Variants in PRLR observed in about 807,000 individuals in gnomAD.
The protein encoded by PRLR is hPRL receptor.
PRLR carries 13 observed loss-of-function variants against 40.2 expected under a neutral mutation model. That is an observed-to-expected ratio of 0.32 (90% CI 0.21 to 0.51). The LOEUF (loss-of-function observed/expected upper bound fraction) is 0.51. Among genes scored for constraint, PRLR ranks in the 20% least tolerant of loss-of-function variants. PRLR has a pLI of 0.97. For synonymous variants in PRLR, 269 were observed against 278.7 expected (o/e 0.97, Z 0.35); for missense variants, 656 against 747.3 (o/e 0.88, Z 1.42).
chr5:35,209,255 T>C (rs1776105518), intron 1 of PRLR, among the ~76,000 whole-genome samples: 1 of 152,164 alleles, frequency 6.6e-6, no homozygotes, highest in East Asian at 1.9e-4. Flanking sequence ...TCCATTTTCC[T>C]AACCTTTCAG....
intron 1 of PRLR, among the ~76,000 whole-genome samples, chr5:35,149,799 T>C (rs1176875105): frequency 6.6e-6 from 1 of 152,154 alleles, no homozygotes; most frequent in African/African-American, 2.4e-5. Context: ...GTACATAAAT[T>C]AATCGAGAGT....
At chr5:35,119,510 T>C (rs1372471006) in intron 1 of PRLR, among the ~76,000 whole-genome samples, 1 of 152,114 alleles carries the variant, frequency 6.6e-6, no homozygotes, top group Admixed American at 6.6e-5. Context: ...CATCTGAGCA[T>C]AAGACAGCCA....
At chr5:35,170,559 G>T (rs930438362) in intron 1 of PRLR, among the ~76,000 whole-genome samples, 6 of 152,190 alleles carry the variant, frequency 3.9e-5, no homozygotes, top group Non-Finnish European at 8.8e-5. Context: ...CTGCTAGTGA[G>T]GAAGCTGAGG....
rs182263490 is a variant in PRLR at position 35,086,217 on chromosome 5, T to C, written c.194A>G (p.His65Arg). 2.4e-5 allele frequency: 38 copies of C among 1,613,930 alleles called. No individual in the cohort carries two copies. The highest frequency in any genetic ancestry group is 3.1e-5 in the Non-Finnish European group (37 of 1,179,906). The change falls in exon 4 of 10, where the codon CAC (histidine) becomes CGC (arginine). Residue 65 changes from histidine (H) to arginine (R), a missense_variant. His to Arg is a conservative substitution (Grantham distance 29). This residue lies in a region of PRLR where 180 missense variants were observed against 236.8 expected (regional missense o/e 0.76). Transcript: ENST00000618457. ...GLPTNYSLTY[H>R]REGETLMHEC... ...GAAGGGAACTTCTTACCCTTCCCTG[T>C]GGTAAGTCAGTGAATAATTGGTAGG...
At chr5:35,087,996 C>T (rs542522273) in intron 3 of PRLR, among the ~76,000 whole-genome samples, 74 of 152,332 alleles carry the variant, frequency 4.9e-4, no homozygotes, top group African/African-American at 1.7e-3. Context: ...ACCCCTCATG[C>T]AGGCTCCAAG....
chr5:35,094,264 A>G (rs1771397677), intron 2 of PRLR, among the ~76,000 whole-genome samples: 1 of 152,046 alleles, frequency 6.6e-6, no homozygotes, highest in Non-Finnish European at 1.5e-5. Context: ...TTATATAAAT[A>G]GGATCATACA....
chr5:35,113,450 TATCC>T (rs375477215), intron 2 of PRLR, among the ~76,000 whole-genome samples: 57,243 of 105,074 alleles, frequency 0.54, 14,219 homozygotes, highest in Non-Finnish European at 0.62. Context: ...CCCACCCACC[TATCC>T]ATCCATCCAT....
At chr5:35,148,647 T>C (rs1385655655) in intron 1 of PRLR, among the ~76,000 whole-genome samples, 2 of 152,216 alleles carry the variant, frequency 1.3e-5, no homozygotes, top group Non-Finnish European at 2.9e-5. Flanking sequence ...ATTCAATAAC[T>C]GTAGATGAGC....
chr5:35,098,187 T>A (rs1473071201), intron 2 of PRLR, among the ~76,000 whole-genome samples: 1 of 152,224 alleles, frequency 6.6e-6, no homozygotes, highest in Non-Finnish European at 1.5e-5. Flanking sequence ...ATGGTCGTGA[T>A]GTTTTTTGCC....
intron 2 of PRLR, among the ~76,000 whole-genome samples, chr5:35,110,794 G>C (rs149957422): frequency 1.3e-5 from 2 of 152,230 alleles, no homozygotes; most frequent in Non-Finnish European, 2.9e-5. Flanking sequence ...TCTCCATACT[G>C]TTTCAGAAAC....
At chr5:35,228,477 C>T (rs1423929707) in intron 1 of PRLR, among the ~76,000 whole-genome samples, 1 of 152,200 alleles carries the variant, frequency 6.6e-6, no homozygotes, top group Non-Finnish European at 1.5e-5. Flanking sequence ...AAGAATATGG[C>T]TGCCTACTCA....
rs1417774488 is a variant in PRLR at position 35,155,912 on chromosome 5, A to T, written c.-105-37790T>A. On this transcript the variant is annotated intron_variant, in intron 1 of 9. Coordinates refer to ENST00000618457, the MANE Select transcript of PRLR (RefSeq NM_000949.7). ...CTGTAAATATTAATGACTGAAAAAT[A>T]TATAAATGCACACAGTTTTACAGAT... Among the ~76,000 whole-genome samples, 3 of 152,380 alleles carry T rather than the reference A, an allele frequency of 2.0e-5. No individual in the cohort carries two copies. The East Asian group carries it at 5.8e-4, about 29-fold the overall frequency.
At chr5:35,049,771 AT>A (rs879674327) in intron 8 of PRLR, among the ~76,000 whole-genome samples, 11 of 152,092 alleles carry the variant, frequency 7.2e-5, no homozygotes, top group Non-Finnish European at 1.0e-4. Context: ...TACTTGACTA[AT>A]TATTTTTTTC....
At chr5:35,159,175 G>A (rs1164844397) in intron 1 of PRLR, among the ~76,000 whole-genome samples, 1 of 152,024 alleles carries the variant, frequency 6.6e-6, no homozygotes, top group Admixed American at 6.6e-5. Context: ...CAGTTCTAGT[G>A]ACACACTCAT....
intron 1 of PRLR, among the ~76,000 whole-genome samples, chr5:35,119,303 T>C (rs954450246): frequency 1.3e-5 from 2 of 152,074 alleles, no homozygotes; most frequent in Non-Finnish European, 2.9e-5. Flanking sequence ...GCTGACTCAA[T>C]GGACAGAGGA....
chr5:35,182,352 A>G (rs1178668526), intron 1 of PRLR, among the ~76,000 whole-genome samples: 2 of 152,184 alleles, frequency 1.3e-5, no homozygotes, highest in Non-Finnish European at 2.9e-5. Flanking sequence ...TATATAGCAG[A>G]TAGATTTCCA....
chr5:35,068,982 CA>C (rs1252455288), intron 7 of PRLR, 104 bp from the exon 8 acceptor site: 4 of 797,542 alleles, frequency 5.0e-6, no homozygotes, highest in Non-Finnish European at 8.0e-6. Flanking sequence ...TTCCTCCATT[CA>C]TATATTTTTT....
Position 35,056,225 on chromosome 5 carries a change from T to G in PRLR, c.*8864A>C, listed in dbSNP as rs1268148245. 1 of 152,114 alleles carries G rather than the reference T, an allele frequency of 6.6e-6. No homozygotes were observed. The highest frequency in any genetic ancestry group is 1.5e-5 in the Non-Finnish European group (1 of 67,998). 9.4% of individuals were successfully genotyped at this position (152,114 alleles called of 1,614,324 possible). A position where few individuals can be genotyped will look rare whatever the true frequency, so the allele number is the denominator to read the frequency against. ...GGTGTGGGGGACAGTGGAGGAGATG[T>G]AAATACAAGAATTCCAGTTTAGGTG... On this transcript the variant is annotated 3_prime_UTR_variant, in exon 10 of 10. Coordinates refer to ENST00000618457, the MANE Select transcript of PRLR (RefSeq NM_000949.7).
At chr5:35,068,708 T>C in intron 8 of PRLR, 71 bp downstream of exon 8, 1 of 1,188,804 alleles carries the variant, frequency 8.4e-7, no homozygotes, top group South Asian at 1.3e-5. Flanking sequence ...TCCATCATCT[T>C]TGTATTTTTT....
Sources: gnomAD v4.1 joint callset for allele counts (sites outside exome capture counted in the v4.1 genomes callset) on GRCh38, gnomAD v4.1.1 for gene constraint, gnomAD v4.1.1 regional missense constraint, MANE v1.5 for transcripts, NCBI Gene and HGNC (gene_info 2026-07-23, HGNC 2026-07-21) for gene names.